The following SUSD1 variants were observed in gnomAD, a reference collection of about 807,000 sequenced individuals.
SUSD1 encodes sushi domain-containing protein 1.
Under a neutral mutation model 86.9 loss-of-function variants are expected in SUSD1, and 65 were observed. The ratio of observed to expected loss-of-function variants is 0.75; its 90% CI spans 0.61 to 0.92. The LOEUF (loss-of-function observed/expected upper bound fraction) is 0.92. Among genes scored for constraint, SUSD1 ranks in the 40% least tolerant of loss-of-function variants. The pLI, the probability that SUSD1 is intolerant of heterozygous loss-of-function variation, is 0.00. For missense variants in SUSD1, 850 were observed against 929.7 expected (o/e 0.91, Z 1.11); for synonymous variants, 346 against 350.0 (o/e 0.99, Z 0.13).
intron 12 of SUSD1, among the ~76,000 whole-genome samples, chr9:112,063,955 T>G (rs960682447): frequency 1.3e-5 from 2 of 151,194 alleles, no homozygotes; most frequent in African/African-American, 4.9e-5. Flanking sequence ...GAAAAGAGCT[T>G]CCACCTGGCC....
chr9:112,124,908 A>T (rs943385525), intron 5 of SUSD1, among the ~76,000 whole-genome samples: 3 of 152,218 alleles, frequency 2.0e-5, no homozygotes, highest in South Asian at 2.1e-4. Context: ...GAAAAAAATC[A>T]GTTGCATAGG....
At chr9:112,100,184 AT>A (rs1224895557) in intron 9 of SUSD1, among the ~76,000 whole-genome samples, 1 of 152,014 alleles carries the variant, frequency 6.6e-6, no homozygotes, top group Non-Finnish European at 1.5e-5. Context: ...CCTTTATCTA[AT>A]TTTTTTGTTG....
At chr9:112,042,308 G>A (rs1420323070) in intron 15 of SUSD1, 5 of 730,734 alleles carry the variant, frequency 6.8e-6, no homozygotes, top group Non-Finnish European at 8.8e-6. Flanking sequence ...GATTTTTATG[G>A]GCCGTTTTCT....
chr9:112,073,460 G>A (rs1035573761), intron 12 of SUSD1, among the ~76,000 whole-genome samples: 3 of 151,892 alleles, frequency 2.0e-5, no homozygotes, highest in East Asian at 1.9e-4. Context: ...GCTTTCTCAC[G>A]CTCACTCTCT....
rs143505267 is a variant in SUSD1, at chr9:112,142,442, G to C, written c.584C>G (p.Thr195Arg). Residue 195 changes from threonine to arginine, a missense_variant, in exon 5 of 17, where the codon ACG becomes AGG. Thr to Arg is a moderately conservative substitution (Grantham distance 71). Transcript: ENST00000374270. ...VPDGYIIGNY[T>R]SSLGSQVRYA... Reference sequence around the variant, plus strand: ...ACGAACCTGGCTGCCCAGACTAGACGTATAATTTCCTATGATATAGCCATC... The same window carrying C: ...ACGAACCTGGCTGCCCAGACTAGACCTATAATTTCCTATGATATAGCCATC... 1 of 1,613,938 alleles carries C rather than the reference G, an allele frequency of 6.2e-7. No individual in the cohort carries two copies. Among genetic ancestry groups the C allele is most frequent in the Non-Finnish European group, 8.5e-7 (1 of 1,179,986 alleles).
At chr9:112,149,988 G>A (rs962504205) in intron 2 of SUSD1, among the ~76,000 whole-genome samples, 8 of 152,210 alleles carry the variant, frequency 5.3e-5, no homozygotes, top group African/African-American at 1.9e-4. Context: ...TGCTCGATGA[G>A]TCCCCAGAAG....
At chr9:112,123,417 C>A (rs985987503) in intron 6 of SUSD1, among the ~76,000 whole-genome samples, 1 of 152,140 alleles carries the variant, frequency 6.6e-6, no homozygotes, top group Non-Finnish European at 1.5e-5. Flanking sequence ...GATCTACCCC[C>A]ATGACCCAAA....
chr9:112,064,262 C>A (rs1186954376), intron 12 of SUSD1, among the ~76,000 whole-genome samples: 1 of 152,166 alleles, frequency 6.6e-6, no homozygotes, highest in African/African-American at 2.4e-5. Context: ...AGCAGGTGGA[C>A]AAGCATTCCT....
intron 3 of SUSD1, among the ~76,000 whole-genome samples, chr9:112,148,542 C>T (rs1832905252): frequency 1.3e-5 from 2 of 152,094 alleles, no homozygotes; most frequent in South Asian, 2.1e-4. Flanking sequence ...ACCCCAAGGA[C>T]CCCCGACCTG....
intron 12 of SUSD1, among the ~76,000 whole-genome samples, chr9:112,069,832 AG>A (rs1171589610): frequency 1.3e-5 from 2 of 151,942 alleles, no homozygotes; most frequent in African/African-American, 4.8e-5. Flanking sequence ...CCGAGCAGGA[AG>A]GCCATCCCCC....
intron 10 of SUSD1, among the ~76,000 whole-genome samples, chr9:112,094,925 A>G (rs906971245): frequency 2.0e-5 from 3 of 152,200 alleles, no homozygotes; most frequent in African/African-American, 7.2e-5. Context: ...TCAAGGTGGC[A>G]TTGTTTTTGT....
At chr9:112,128,572 T>C (rs1378605091) in intron 5 of SUSD1, among the ~76,000 whole-genome samples, 1 of 152,160 alleles carries the variant, frequency 6.6e-6, no homozygotes, top group Non-Finnish European at 1.5e-5. Context: ...TTAGTATTTT[T>C]AGTAGAGACA....
At chr9:112,170,710 T>TATATATATATATATATATAGAGAGAG (rs758442726) in intron 1 of SUSD1, among the ~76,000 whole-genome samples, 2 of 113,794 alleles carry the variant, frequency 1.8e-5, no homozygotes, top group African/African-American at 7.6e-5. Flanking sequence ...TATATATATA[T>TATATATATATATATATATAGAGAGAG]AGAGAGAGAG....
intron 10 of SUSD1, among the ~76,000 whole-genome samples, chr9:112,082,544 A>G (rs1347364981): frequency 6.6e-6 from 1 of 152,208 alleles, no homozygotes; most frequent in African/African-American, 2.4e-5. Context: ...GCCAAGGAGT[A>G]TAGGCAGGAT....
At chr9:112,148,186 C>A (rs891637496) in intron 3 of SUSD1, among the ~76,000 whole-genome samples, 1 of 152,212 alleles carries the variant, frequency 6.6e-6, no homozygotes. Context: ...GCAAAAGCAT[C>A]TTAGAACCAG....
intron 6 of SUSD1, among the ~76,000 whole-genome samples, chr9:112,115,583 T>C (rs527494511): frequency 6.6e-5 from 10 of 152,072 alleles, no homozygotes; most frequent in African/African-American, 1.9e-4. Context: ...GAGATGGGCA[T>C]ATCACTTGAG....
At chr9:112,102,884 A>G (rs1830685020) in intron 8 of SUSD1, among the ~76,000 whole-genome samples, 1 of 152,248 alleles carries the variant, frequency 6.6e-6, no homozygotes, top group South Asian at 2.1e-4. Context: ...ACTTGTTTTA[A>G]CCATTGTACA....
chr9:112,086,756 C>T lies in SUSD1; in HGVS notation c.1475-6591G>A, dbSNP rs538724776. 9.2e-5 allele frequency among the ~76,000 whole-genome samples: 14 copies of T among 151,994 alleles called. No homozygotes were observed. In the East Asian group the frequency reaches 2.7e-3, roughly 29 times the overall value. On this transcript the variant is annotated intron_variant, in intron 10 of 16. Coordinates refer to ENST00000374270, the MANE Select transcript of SUSD1 (RefSeq NM_022486.5). ...GGGCAACAGAAGCGAGAGGGAAATG[C>T]AAGATCCTACAAGGCAAAAGAGAAC...
At chr9:112,062,229 TGAAAC>T in intron 13 of SUSD1, among the ~76,000 whole-genome samples, 1 of 152,234 alleles carries the variant, frequency 6.6e-6, no homozygotes, top group Non-Finnish European at 1.5e-5. Context: ...CTTTGGGAAA[TGAAAC>T]GATGCCCCTG....
Sources: allele counts gnomAD v4.1 joint callset (sites outside exome capture counted in the v4.1 genomes callset), GRCh38; gene constraint gnomAD v4.1.1; transcripts MANE v1.5; gene names NCBI Gene and HGNC (gene_info 2026-07-23, HGNC 2026-07-21).